SNX29: variants seen among roughly 807,000 people sequenced by gnomAD.
SNX29 encodes sorting nexin-29.
A neutral mutation model predicts 102.1 loss-of-function variants in SNX29; 78 were observed. The observed-to-expected ratio is 0.76, with a 90% confidence interval of 0.64 to 0.92. The LOEUF (loss-of-function observed/expected upper bound fraction) is 0.92, where lower values mean the gene tolerates loss of function less well. Among genes scored for constraint, SNX29 ranks in the 40% least tolerant of loss-of-function variants. SNX29 has a pLI of 0.00. For synonymous variants in SNX29, 580 were observed against 414.5 expected (o/e 1.40, Z -4.85); for missense variants, 1,280 against 1,061.7 (o/e 1.21, Z -2.86).
At position 12,356,122 on chromosome 16, in the gene SNX29, T is replaced by C. The variant is rs758946299; in HGVS notation, c.1783-41T>C. On this transcript the variant is annotated intron_variant, in intron 15 of 20. Coordinates refer to ENST00000566228, the MANE Select transcript of SNX29 (RefSeq NM_032167.5). Reference sequence around the variant, plus strand: ...GAAGGCGGGATTGGTCCCTGGGGAATGTCTGCCTCTAAGCCTCACCTTTCC... The same window carrying C: ...GAAGGCGGGATTGGTCCCTGGGGAACGTCTGCCTCTAAGCCTCACCTTTCC... The C allele has an allele frequency of 1.1e-5, 17 of 1,574,750 alleles. No individual in the cohort carries two copies. The South Asian group carries it at 2.0e-4, about 18-fold the overall frequency.
chr16:12,091,543 T>G (rs1418113293), intron 11 of SNX29, among the ~76,000 whole-genome samples: 1 of 150,016 alleles, frequency 6.7e-6, no homozygotes, highest in African/African-American at 2.5e-5. Context: ...TCCCAGCACT[T>G]TGGGAGGCTG....
chr16:12,498,401 TA>T (rs71816642), intron 19 of SNX29, among the ~76,000 whole-genome samples: 16 of 150,150 alleles, frequency 1.1e-4, no homozygotes, highest in African/African-American at 2.2e-4. Flanking sequence ...GTTTGGCATT[TA>T]AAAAAAAAAT....
At chr16:12,026,324 T>C (rs1261818132) in intron 3 of SNX29, among the ~76,000 whole-genome samples, 2 of 152,232 alleles carry the variant, frequency 1.3e-5, no homozygotes, top group African/African-American at 4.8e-5. Context: ...TCTGGTTAAC[T>C]TATTTGTGTA....
chr16:12,083,733 C>G (rs950394473), intron 11 of SNX29, among the ~76,000 whole-genome samples: 1 of 152,194 alleles, frequency 6.6e-6, no homozygotes, highest in Non-Finnish European at 1.5e-5. Context: ...TGAGATTCTC[C>G]TCTAGAGCAG....
intron 18 of SNX29, among the ~76,000 whole-genome samples, chr16:12,461,978 AATATATATATATATATATATATAT>A: frequency 3.7e-5 from 1 of 27,354 alleles, no homozygotes; most frequent in Non-Finnish European, 6.3e-5. Context: ...AAAAAAAAAA[AATATATATATATATATATATATAT>A]ATATATATAT....
chr16:12,463,500 C>T (rs1256197787), intron 18 of SNX29, among the ~76,000 whole-genome samples: 2 of 152,116 alleles, frequency 1.3e-5, no homozygotes, highest in Non-Finnish European at 2.9e-5. Flanking sequence ...CTTATACAGA[C>T]ATCAGATCTC....
chr16:12,546,004 C>G (rs1037278431), intron 20 of SNX29, among the ~76,000 whole-genome samples: 3 of 151,988 alleles, frequency 2.0e-5, no homozygotes, highest in African/African-American at 7.3e-5. Context: ...ACCTGGATGC[C>G]AAAAACAGAA....
rs763077478 is a variant in SNX29, at chr16:12,574,057, G to C, written c.*5428G>C. 5.2e-6 allele frequency: 1 copy of C among 193,040 alleles called. No individual in the cohort carries two copies. The highest frequency in any genetic ancestry group is 1.1e-5 in the Non-Finnish European group (1 of 92,476). The allele number at this position is 193,040 out of a possible 1,614,324, so 12.0% of individuals were successfully genotyped here. On this transcript the variant is annotated 3_prime_UTR_variant, in exon 21 of 21. Coordinates refer to ENST00000566228, the MANE Select transcript of SNX29 (RefSeq NM_032167.5). ...AGTCTGATAGTCTGTGTGTACATAA[G>C]GTCTAGAAGTCTGTGGAAACGCCCT...
At chr16:12,461,243 GC>G (rs1597459041) in intron 18 of SNX29, among the ~76,000 whole-genome samples, 1 of 152,246 alleles carries the variant, frequency 6.6e-6, no homozygotes, top group East Asian at 1.9e-4. Flanking sequence ...TCTCCTTGGA[GC>G]CACCACAAGT....
At chr16:12,428,129 C>T (rs11865760) in intron 18 of SNX29, among the ~76,000 whole-genome samples, 313 of 152,294 alleles carry the variant, frequency 2.1e-3, no homozygotes, top group African/African-American at 7.0e-3. Flanking sequence ...AACTGTAATT[C>T]CCTGCCTCAT....
intron 18 of SNX29, among the ~76,000 whole-genome samples, chr16:12,431,028 T>G (rs914853112): frequency 9.9e-5 from 15 of 152,248 alleles, no homozygotes; most frequent in Non-Finnish European, 1.9e-4. Context: ...ATTTTTGTAT[T>G]TTTAGTAGAG....
chr16:12,057,815 T>A (rs28503914), intron 8 of SNX29, among the ~76,000 whole-genome samples: 13 of 83,254 alleles, frequency 1.6e-4, no homozygotes, highest in African/African-American at 7.6e-4. Flanking sequence ...ATATATATAT[T>A]TTATATATAT....
At chr16:12,549,295 A>C (rs1223466917) in intron 20 of SNX29, among the ~76,000 whole-genome samples, 1 of 152,114 alleles carries the variant, frequency 6.6e-6, no homozygotes, top group Non-Finnish European at 1.5e-5. Context: ...AGAAGTTGGA[A>C]ACCAGCCTGG....
chr16:12,539,119 A>G (rs1013537216), intron 20 of SNX29, among the ~76,000 whole-genome samples: 1 of 152,216 alleles, frequency 6.6e-6, no homozygotes, highest in Non-Finnish European at 1.5e-5. Context: ...TACTTTCACA[A>G]AAAATTTTTA....
At chr16:12,049,477 CA>C (rs1170106507) in intron 7 of SNX29, among the ~76,000 whole-genome samples, 4 of 152,010 alleles carry the variant, frequency 2.6e-5, no homozygotes, top group Non-Finnish European at 5.9e-5. Context: ...GGACTATAGG[CA>C]TGTGCCAACA....
chr16:12,218,474 A>G (rs187183446), intron 14 of SNX29, among the ~76,000 whole-genome samples: 4 of 152,306 alleles, frequency 2.6e-5, no homozygotes, highest in Admixed American at 2.0e-4. Flanking sequence ...CATTATTTCC[A>G]TCTCCGCTTT....
At chr16:12,390,897 A>G (rs566420054) in intron 16 of SNX29, among the ~76,000 whole-genome samples, 19 of 148,898 alleles carry the variant, frequency 1.3e-4, no homozygotes, top group Non-Finnish European at 2.1e-4. Flanking sequence ...AAAAAAAAAG[A>G]AAAGAAAAAA....
chr16:12,359,095 G>T (rs2082228446), intron 16 of SNX29, among the ~76,000 whole-genome samples: 1 of 152,214 alleles, frequency 6.6e-6, no homozygotes, highest in South Asian at 2.1e-4. Flanking sequence ...TGGGGCTTGT[G>T]GTTGGCATCA....
chr16:11,982,163 A>T (rs1407141372), intron 1 of SNX29, among the ~76,000 whole-genome samples: 14 of 152,196 alleles, frequency 9.2e-5, no homozygotes. Flanking sequence ...AAAGATTATC[A>T]GGAAGAAAGA....
Sources: gnomAD v4.1 joint callset for allele counts (sites outside exome capture counted in the v4.1 genomes callset) on GRCh38, gnomAD v4.1.1 for gene constraint, MANE v1.5 for transcripts, NCBI Gene and HGNC (gene_info 2026-07-23, HGNC 2026-07-21) for gene names.